Variants in ATP1B4 observed in about 807,000 individuals in gnomAD.
ATP1B4 encodes protein ATP1B4.
In ATP1B4, 32 loss-of-function variants were observed where a neutral mutation model predicts 29.6. That is an observed-to-expected ratio of 1.08 (90% CI 0.82 to 1.45). ATP1B4 has a LOEUF of 1.45. Ranked by LOEUF, ATP1B4 falls within the 40% of genes most tolerant of loss-of-function variation. The probability of loss-of-function intolerance (pLI) is 0.00; values close to 1 mark genes in which losing one functional copy is unlikely to be tolerated. For missense variants in ATP1B4, 323 were observed against 276.2 expected, an observed-to-expected ratio of 1.17 and a Z score of -1.20; for synonymous variants, 127 against 102.1, an observed-to-expected ratio of 1.24 and a Z score of -1.47.
At position 120,378,910 on chromosome X, in the gene ATP1B4, T is replaced by C. The variant is rs2058369455; in HGVS notation, c.912+137T>C. Reference sequence around the variant, plus strand: ...CTGCTGGCCATAACCAGGAGCTCCCTTTACCAATTCTTATCACAACCACAC... The same window carrying C: ...CTGCTGGCCATAACCAGGAGCTCCCCTTACCAATTCTTATCACAACCACAC... On this transcript the variant is annotated intron_variant, in intron 7 of 7. Transcript: ENST00000218008. 2.0e-5 allele frequency: 10 copies of C among 494,586 alleles called. No individual in the cohort carries two copies. The Admixed American group carries it at 3.3e-4, about 16-fold the overall frequency. 40.8% of individuals were successfully genotyped at this position (494,586 alleles called of 1,213,427 possible). A position where few individuals can be genotyped will look rare whatever the true frequency, so the allele number is the denominator to read the frequency against.
At chrX:120,377,027 T>C (rs1466585890) in intron 6 of ATP1B4, among the ~76,000 whole-genome samples, 1 of 112,171 alleles carries the variant, frequency 8.9e-6, no homozygotes, top group African/African-American at 3.2e-5. Context: ...CCCTTAGATC[T>C]TGGGTTTGCT....
At chrX:120,377,995 C>T (rs756473255) in intron 6 of ATP1B4, among the ~76,000 whole-genome samples, 9 of 111,802 alleles carry the variant, frequency 8.0e-5, no homozygotes, top group Non-Finnish European at 1.7e-4. Flanking sequence ...GAATGGGCAG[C>T]CCCTACCTGA....
At chrX:120,372,328 A>G (rs2058317712) in intron 4 of ATP1B4, among the ~76,000 whole-genome samples, 1 of 112,233 alleles carries the variant, frequency 8.9e-6, no homozygotes, top group Middle Eastern at 4.6e-3. Flanking sequence ...GGCGGCTACT[A>G]TTATAACAAG....
intron 5 of ATP1B4, among the ~76,000 whole-genome samples, chrX:120,376,066 G>A (rs1481931060): frequency 8.9e-6 from 1 of 111,750 alleles, no homozygotes; most frequent in Non-Finnish European, 1.9e-5. Context: ...ATCCTGTCAT[G>A]ACTTAGGTGT....
At chrX:120,378,650 C>A in intron 6 of ATP1B4, 28 bp from the exon 7 acceptor site, 1 of 1,162,023 alleles carries the variant, frequency 8.6e-7, no homozygotes, top group South Asian at 1.8e-5. Context: ...TGACCCAGCA[C>A]CCCACATATA....
At chrX:120,368,855 A>C (rs771380342) in intron 2 of ATP1B4, among the ~76,000 whole-genome samples, 22 of 111,919 alleles carry the variant, frequency 2.0e-4, no homozygotes, top group Admixed American at 1.7e-3. Context: ...AGACCCAAGT[A>C]ATACTTGGAC....
intron 1 of ATP1B4, 85 bp downstream of exon 1, chrX:120,362,316 T>TAC: frequency 1.1e-6 from 1 of 896,614 alleles, no homozygotes; most frequent in Non-Finnish European, 1.6e-6. Flanking sequence ...GACCTTGGTT[T>TAC]ACGGCTGCCT....
At position 120,376,411 on chromosome X, in the gene ATP1B4, C is replaced by T. The variant is rs2058355915; in HGVS notation, c.791C>T (p.Pro264Leu). 8.3e-7 allele frequency: 1 copy of T among 1,210,321 alleles called. No individual in the cohort carries two copies. Among genetic ancestry groups the T allele is most frequent in the Non-Finnish European group, 1.1e-6 (1 of 894,377 alleles). The change falls in exon 6 of 8, where the codon CCT (proline) becomes CTT (leucine). Residue 264 changes from proline (P) to leucine (L), a missense_variant. By Grantham distance (98) the Pro-to-Leu change is moderately conservative. Coordinates refer to ENST00000218008, the MANE Select transcript of ATP1B4 (RefSeq NM_001142447.3). ...GGCTTTCGTCCTGAGCTTGGAGATC[C>T]TGTGAAGGTTTCCTGCAAAGTTCAG... ...IVGFRPELGDPVKVSCKVQRG... is the reference protein window; with the variant it reads ...IVGFRPELGDLVKVSCKVQRG...
Position 120,366,498 on chromosome X carries a change from G to A in ATP1B4, c.64-27G>A, listed in dbSNP as rs752052178. Reference sequence around the variant, plus strand: ...ACCATTGTACATTTTTTTTCAAAAAGGGTATTGTGTTTTGTCACTGTTCCA... The same window carrying A: ...ACCATTGTACATTTTTTTTCAAAAAAGGTATTGTGTTTTGTCACTGTTCCA... On this transcript the variant is annotated intron_variant, in intron 1 of 7. Coordinates refer to ENST00000218008, the MANE Select transcript of ATP1B4 (RefSeq NM_001142447.3). 6 of 1,178,892 alleles carry A rather than the reference G, an allele frequency of 5.1e-6. No individual in the cohort carries two copies. The Admixed American group carries it at 1.2e-4, about 24-fold the overall frequency.
At position 120,375,554 on chromosome X, in the gene ATP1B4, C is replaced by T; in HGVS notation, c.745C>T (p.Leu249=). The change falls in exon 5 of 8, where the codon CTA becomes TTA. Residue 249 remains leucine, a synonymous_variant. Transcript: ENST00000218008. ...CTCTACTGGACAGCCCTGCATCCTT[C>T]TAAAGATGAACCGGGTATATTGGCT... The part of the protein sequence containing the change: ...GYSTGQPCIL[L]KMNRIVGFRP... 2 of 1,205,919 alleles carry T rather than the reference C, an allele frequency of 1.7e-6. No individual in the cohort carries two copies. Among genetic ancestry groups the T allele is most frequent in the Non-Finnish European group, 2.2e-6 (2 of 893,022 alleles).
intron 4 of ATP1B4, among the ~76,000 whole-genome samples, chrX:120,374,935 C>T (rs1038488211): frequency 1.0e-5 from 1 of 97,005 alleles, no homozygotes; most frequent in Non-Finnish European, 2.0e-5. Flanking sequence ...CCCTTATATA[C>T]CATACCTTGA....
rs748388820 is a variant in ATP1B4 at position 120,362,284 on chromosome X, G to A, written c.63+53G>A. On this transcript the variant is annotated intron_variant, in intron 1 of 7. Coordinates refer to ENST00000218008, the MANE Select transcript of ATP1B4 (RefSeq NM_001142447.3). ...CTGCCCCCTCCCCTTTTATTTTAAT[G>A]GGGTGGGTTGGGGGCTGTGTAGACC... The A allele has an allele frequency of 2.8e-6, 3 of 1,062,115 alleles. No homozygotes were observed. In the African/African-American group the frequency reaches 5.5e-5, roughly 20 times the overall value. The allele number at this position is 1,062,115 out of a possible 1,213,427, so 87.5% of individuals were successfully genotyped here. A position where few individuals can be genotyped will look rare whatever the true frequency, so the allele number is the denominator to read the frequency against.
chrX:120,370,809 T>C lies in ATP1B4; in HGVS notation c.423T>C (p.Tyr141=). The C allele has an allele frequency of 8.3e-7, 1 of 1,211,311 alleles. No homozygotes were observed. Among genetic ancestry groups the C allele is most frequent in the South Asian group, 1.8e-5 (1 of 56,891 alleles). Residue 141 remains tyrosine, a synonymous_variant, in exon 3 of 8, where the codon TAT becomes TAC. Transcript: ENST00000218008. The stretch of plus-strand genomic sequence containing the variant: ...CACTATTTCTGACCATCAGTCCCTA[T>C]ATACCAACCTTCACGGAGCGGGTAA... The part of the protein sequence containing the change: ...MYTLFLTISP[Y]IPTFTERVKP...
At chrX:120,378,171 AC>A (rs1422990700) in intron 6 of ATP1B4, among the ~76,000 whole-genome samples, 2 of 111,958 alleles carry the variant, frequency 1.8e-5, no homozygotes, top group Admixed American at 9.5e-5. Context: ...TGTATCAGGT[AC>A]CTATGCACTT....
At chrX:120,365,448 T>C (rs183444892) in intron 1 of ATP1B4, among the ~76,000 whole-genome samples, 12 of 112,047 alleles carry the variant, frequency 1.1e-4, no homozygotes, top group African/African-American at 3.2e-4. Flanking sequence ...CAGGGTGCCC[T>C]CTAAATGGCC....
Position 120,378,701 on chromosome X carries a change from A to C in ATP1B4, c.840A>C (p.Arg280=). ...AGAGAGGTGATGAAAATGACATCCG[A>C]TCCATCAGTTACTACCCAGAGTCGG... is the stretch of plus-strand genomic sequence containing the variant. The part of the protein sequence containing the change: ...KVQRGDENDI[R]SISYYPESAS... Residue 280 remains arginine (R), a synonymous_variant, in exon 7 of 8, where the codon CGA becomes CGC. Transcript: ENST00000218008. 1 of 1,210,702 alleles carries C rather than the reference A, an allele frequency of 8.3e-7. No homozygotes were observed. Among genetic ancestry groups the C allele is most frequent in the Non-Finnish European group, 1.1e-6 (1 of 894,846 alleles).
At chrX:120,375,133 G>A (rs1422435574) in intron 4 of ATP1B4, among the ~76,000 whole-genome samples, 3 of 109,786 alleles carry the variant, frequency 2.7e-5, no homozygotes, top group Non-Finnish European at 3.8e-5. Flanking sequence ...GGAATGAAAA[G>A]CAAAGGAACA....
intron 6 of ATP1B4, among the ~76,000 whole-genome samples, chrX:120,376,681 T>G (rs1464350763): frequency 8.9e-6 from 1 of 112,260 alleles, no homozygotes; most frequent in East Asian, 2.8e-4. Flanking sequence ...TGATTAATAC[T>G]TCTGAAAACC....
chrX:120,375,159 C>T (rs1299215619), intron 4 of ATP1B4, among the ~76,000 whole-genome samples: 2 of 109,724 alleles, frequency 1.8e-5, no homozygotes, highest in Non-Finnish European at 3.8e-5. Context: ...TCAAACTGGG[C>T]TGAAGTGACT....
Sources: gnomAD v4.1 joint callset for allele counts (sites outside exome capture counted in the v4.1 genomes callset) on GRCh38, gnomAD v4.1.1 for gene constraint, MANE v1.5 for transcripts, NCBI Gene and HGNC (gene_info 2026-07-23, HGNC 2026-07-21) for gene names.